Variants in SLC38A11 observed in about 807,000 individuals in gnomAD.
SLC38A11 encodes the protein solute carrier family 38 member 11.
Under a neutral mutation model 49.4 loss-of-function variants are expected in SLC38A11, and 51 were observed. The observed-to-expected ratio is 1.03, with a 90% CI of 0.83 to 1.30. The LOEUF is 1.30. Ranked by LOEUF, SLC38A11 falls within the 50% of genes most tolerant of loss-of-function variation. The probability of loss-of-function intolerance (pLI) is 0.00; values close to 1 mark genes in which losing one functional copy is unlikely to be tolerated. For missense variants in SLC38A11, 574 were observed against 556.2 expected, an observed-to-expected ratio of 1.03 and a Z score of -0.32; for synonymous variants, 203 against 192.9, an observed-to-expected ratio of 1.05 and a Z score of -0.43.
Position 164,898,282 on chromosome 2 carries a change from TTTTC to T in SLC38A11, c.*151_*154del, listed in dbSNP as rs924830698. 6 of 597,130 alleles carry T rather than the reference TTTTC, an allele frequency of 1.0e-5. No homozygotes were observed. The highest frequency in any genetic ancestry group is 4.5e-4 in the Middle Eastern group (1 of 2,218). The allele number at this position is 597,130 out of a possible 1,614,324, so 37.0% of individuals were successfully genotyped here. A position where few individuals can be genotyped will look rare whatever the true frequency, so the allele number is the denominator to read the frequency against. On this transcript the variant is annotated 3_prime_UTR_variant, in exon 12 of 12. Coordinates refer to ENST00000685975, the MANE Select transcript of SLC38A11 (RefSeq NM_001351537.2). Reference sequence around the variant, plus strand: ...AAAGGTGAAATACATTCAATTTTTCTTTTCTTTATCTTTTATATTGCACTACTCA... The same window carrying T: ...AAAGGTGAAATACATTCAATTTTTCTTTTATCTTTTATATTGCACTACTCA...
intron 7 of SLC38A11, among the ~76,000 whole-genome samples, chr2:164,933,095 C>G (rs1317677943): frequency 1.3e-5 from 2 of 152,018 alleles, no homozygotes; most frequent in Admixed American, 1.3e-4. Context: ...TATGGACTCA[C>G]TTTTTGGAAT....
At position 164,898,369 on chromosome 2, in the gene SLC38A11, C is replaced by G; in HGVS notation, c.*68G>C. ...TAATTTTATATAACATAAATACAGA[C>G]TAAAGCAAGCGTAAATGTTATGTGT... is the stretch of plus-strand genomic sequence containing the variant. On this transcript the variant is annotated 3_prime_UTR_variant, in exon 12 of 12. Transcript: ENST00000685975. 1 of 1,189,188 alleles carries G rather than the reference C, an allele frequency of 8.4e-7. No individual in the cohort carries two copies. Among genetic ancestry groups the G allele is most frequent in the Non-Finnish European group, 1.2e-6 (1 of 839,086 alleles). The allele number at this position is 1,189,188 out of a possible 1,614,324, so 73.7% of individuals were successfully genotyped here.
chr2:164,950,913 T>C (rs1251493057), intron 3 of SLC38A11, among the ~76,000 whole-genome samples: 1 of 152,134 alleles, frequency 6.6e-6, no homozygotes, highest in Admixed American at 6.5e-5. Context: ...CTTAAAAGTC[T>C]AATTAAGAAA....
At position 164,911,621 on chromosome 2, in the gene SLC38A11, A is replaced by G. The variant is rs766270820; in HGVS notation, c.963+15T>C. 1.4e-6 allele frequency: 2 copies of G among 1,385,536 alleles called. No individual in the cohort carries two copies. The highest frequency in any genetic ancestry group is 1.3e-5 in the South Asian group (1 of 75,616). 85.8% of individuals were successfully genotyped at this position (1,385,536 alleles called of 1,614,324 possible). A position where few individuals can be genotyped will look rare whatever the true frequency, so the allele number is the denominator to read the frequency against. The stretch of plus-strand genomic sequence containing the variant: ...AGATCACCTGGGTAAAGCGTTGGGA[A>G]GGAACCGCGCTTACCTCTCTTGTCA... On this transcript the variant is annotated intron_variant, in intron 10 of 11. Transcript: ENST00000685975.
chr2:164,914,619 G>C (rs1475414127), intron 9 of SLC38A11, among the ~76,000 whole-genome samples: 1 of 151,734 alleles, frequency 6.6e-6, no homozygotes, highest in Non-Finnish European at 1.5e-5. Flanking sequence ...GTGGGATGGA[G>C]TGGAGTGGGG....
intron 7 of SLC38A11, among the ~76,000 whole-genome samples, chr2:164,927,309 TC>T (rs1257917586): frequency 6.6e-6 from 1 of 152,172 alleles, no homozygotes; most frequent in Non-Finnish European, 1.5e-5. Context: ...AAATTTCTGT[TC>T]TTTATAAATT....
At chr2:164,915,853 G>A (rs954408428) in intron 8 of SLC38A11, 50 bp downstream of exon 8, 3 of 1,382,584 alleles carry the variant, frequency 2.2e-6, no homozygotes, top group Non-Finnish European at 3.0e-6. Context: ...ACTTTTTCAT[G>A]GAACAGAGAA....
intron 7 of SLC38A11, among the ~76,000 whole-genome samples, chr2:164,924,233 A>C (rs938985899): frequency 6.6e-6 from 1 of 152,212 alleles, no homozygotes. Flanking sequence ...AGCAAATGCC[A>C]TATGTTCTCA....
At position 164,955,223 on chromosome 2, in the gene SLC38A11, C is replaced by G; in HGVS notation, c.25G>C (p.Val9Leu). The G allele has an allele frequency of 6.4e-7, 1 of 1,550,546 alleles. No homozygotes were observed. The highest frequency in any genetic ancestry group is 8.7e-7 in the Non-Finnish European group (1 of 1,146,980). Residue 9 changes from valine (V) to leucine (L), a missense_variant, in exon 1 of 12, where the codon GTC becomes CTC. Transcript: ENST00000685975. MGYQRQEP[V>L]IPPQRDLDDR... is the part of the protein sequence containing the mutation. ...GCTAGTTTTACCTGCGGCGGGATGACAGGCTCCTGCCTCTGGTAGCCCATG... is the reference window on the plus strand; with the variant it reads ...GCTAGTTTTACCTGCGGCGGGATGAGAGGCTCCTGCCTCTGGTAGCCCATG...
At chr2:164,941,080 C>T (rs574683682) in intron 5 of SLC38A11, among the ~76,000 whole-genome samples, 1 of 151,948 alleles carries the variant, frequency 6.6e-6, no homozygotes, top group Non-Finnish European at 1.5e-5. Context: ...AACTGAGGAT[C>T]CCATTTGCAT....
chr2:164,941,348 A>G (rs1687753979), intron 5 of SLC38A11, among the ~76,000 whole-genome samples: 1 of 152,164 alleles, frequency 6.6e-6, no homozygotes. Context: ...GCAATTGTCT[A>G]CTTGTCAATT....
At chr2:164,947,122 T>C (rs1269630309) in intron 3 of SLC38A11, among the ~76,000 whole-genome samples, 10 of 53,376 alleles carry the variant, frequency 1.9e-4, no homozygotes, top group Admixed American at 9.5e-4. Flanking sequence ...TATCTCTTTT[T>C]TTTTTTTTTT....
At chr2:164,929,602 C>T (rs1686846065) in intron 7 of SLC38A11, among the ~76,000 whole-genome samples, 1 of 152,098 alleles carries the variant, frequency 6.6e-6, no homozygotes, top group African/African-American at 2.4e-5. Flanking sequence ...GAAGCACAGA[C>T]AGATGGTAAA....
chr2:164,909,629 T>A (rs994684992), intron 10 of SLC38A11, among the ~76,000 whole-genome samples: 1 of 151,322 alleles, frequency 6.6e-6, no homozygotes, highest in African/African-American at 2.4e-5. Context: ...TGCACAGGAT[T>A]TGGAGCAGAA....
At chr2:164,938,475 A>G (rs1030205098) in intron 6 of SLC38A11, among the ~76,000 whole-genome samples, 3 of 152,180 alleles carry the variant, frequency 2.0e-5, no homozygotes, top group Admixed American at 2.0e-4. Flanking sequence ...CCTTCCTTTT[A>G]TGAATGCCTC....
rs1014765466 is a variant in SLC38A11, at chr2:164,936,422, G to C, written c.617+928C>G. ...CTTGGCCACTGCATTAACAATTAGG[G>C]CTATTCATTAGGTTTCCTTTTACAT... On this transcript the variant is annotated intron_variant, in intron 7 of 11. Coordinates refer to ENST00000685975, the MANE Select transcript of SLC38A11 (RefSeq NM_001351537.2). Among the ~76,000 whole-genome samples the C allele has an allele frequency of 5.3e-5, 8 of 152,140 alleles. No individual in the cohort carries two copies. The South Asian group carries it at 8.3e-4, about 16-fold the overall frequency.
chr2:164,913,629 C>T (rs1685557588), intron 9 of SLC38A11, among the ~76,000 whole-genome samples: 1 of 151,068 alleles, frequency 6.6e-6, no homozygotes, highest in Middle Eastern at 3.4e-3. Flanking sequence ...GAGCAATTAC[C>T]ACTGATAAAA....
At chr2:164,937,755 A>G (rs979451794) in intron 6 of SLC38A11, 3 of 175,360 alleles carry the variant, frequency 1.7e-5, no homozygotes, top group Non-Finnish European at 3.6e-5. Flanking sequence ...AGTAAAAGTG[A>G]AATTATGTTT....
intron 1 of SLC38A11, 27 bp from the exon 2 acceptor site, chr2:164,954,772 C>A: frequency 8.5e-7 from 1 of 1,174,774 alleles, no homozygotes; most frequent in Non-Finnish European, 1.2e-6. Flanking sequence ...CAATTATAAG[C>A]AAATACTAGT....
Sources: allele counts gnomAD v4.1 joint callset (sites outside exome capture counted in the v4.1 genomes callset), GRCh38; gene constraint gnomAD v4.1.1; transcripts MANE v1.5; gene names NCBI Gene and HGNC (gene_info 2026-07-23, HGNC 2026-07-21).